Variants in RUNX2 observed in about 807,000 individuals in gnomAD.
RUNX2 encodes the protein RUNX family transcription factor 2.
In RUNX2, 10 loss-of-function variants were observed where a neutral mutation model predicts 51.7. The ratio of observed to expected loss-of-function variants is 0.19; its 90% CI spans 0.12 to 0.33. The LOEUF is 0.33. Ranked by LOEUF, RUNX2 falls within the 10% of genes least tolerant of loss-of-function variation. RUNX2 has a pLI of 1.00. For missense variants in RUNX2, 562 were observed against 691.3 expected, an observed-to-expected ratio of 0.81 and a Z score of 2.10; for synonymous variants, 276 against 273.6, an observed-to-expected ratio of 1.01 and a Z score of -0.09.
intron 3 of RUNX2, among the ~76,000 whole-genome samples, chr6:45,426,114 T>G (rs1798375244): frequency 6.6e-6 from 1 of 152,208 alleles, no homozygotes; most frequent in African/African-American, 2.4e-5. Context: ...TCATCTACTC[T>G]TGTTTCGAGA....
rs557292408 is a variant in RUNX2 at position 45,383,300 on chromosome 6, G to A, written c.59-39293G>A. On this transcript the variant is annotated intron_variant, in intron 2 of 8. Transcript: ENST00000647337. ...AACACACAAAAAATTAGCCAGGTGG[G>A]GTGGCACATGACTGTAATCCCAGCT... Among the ~76,000 whole-genome samples the A allele has an allele frequency of 1.6e-4, 24 of 152,094 alleles. No homozygotes were observed. The South Asian group carries it at 4.2e-3, about 26-fold the overall frequency.
chr6:45,431,456 A>G (rs1798539534), intron 3 of RUNX2, among the ~76,000 whole-genome samples: 2 of 152,186 alleles, frequency 1.3e-5, no homozygotes, highest in Non-Finnish European at 1.5e-5. Context: ...CTGTGATGGG[A>G]TAAGACCACA....
chr6:45,543,182 G>A (rs1411601416), intron 7 of RUNX2, among the ~76,000 whole-genome samples: 2 of 152,112 alleles, frequency 1.3e-5, no homozygotes, highest in African/African-American at 4.8e-5. Context: ...AACCCATCAG[G>A]AAAATGCACG....
intron 2 of RUNX2, among the ~76,000 whole-genome samples, chr6:45,368,836 C>T (rs959725592): frequency 7.9e-5 from 12 of 151,938 alleles, no homozygotes; most frequent in Non-Finnish European, 1.2e-4. Flanking sequence ...ATAATTAGAA[C>T]ATTTTTATTT....
chr6:45,537,449 C>T (rs960659205), intron 7 of RUNX2, among the ~76,000 whole-genome samples: 2 of 152,156 alleles, frequency 1.3e-5, no homozygotes, highest in Non-Finnish European at 2.9e-5. Context: ...GACGAAATCA[C>T]TTTTTTTGAG....
intron 3 of RUNX2, 66 bp downstream of exon 3, chr6:45,423,023 T>C (rs1339902871): frequency 6.4e-7 from 1 of 1,574,398 alleles, no homozygotes; most frequent in Non-Finnish European, 8.6e-7. Context: ...GGTGTCTTCC[T>C]GCCCACGGGG....
chr6:45,468,967 A>G (rs562339961), intron 5 of RUNX2, among the ~76,000 whole-genome samples: 6 of 152,336 alleles, frequency 3.9e-5, no homozygotes, highest in East Asian at 1.9e-4. Context: ...CCTTTTCCCA[A>G]TTGCACATCT....
chr6:45,469,953 C>G (rs1799748267), intron 5 of RUNX2, among the ~76,000 whole-genome samples: 1 of 152,202 alleles, frequency 6.6e-6, no homozygotes, highest in African/African-American at 2.4e-5. Flanking sequence ...AACCCTCAGC[C>G]TCCTAACAAT....
chr6:45,513,268 T>C (rs1286364486), intron 7 of RUNX2, among the ~76,000 whole-genome samples: 2 of 152,138 alleles, frequency 1.3e-5, no homozygotes, highest in Non-Finnish European at 2.9e-5. Context: ...CTGCAAACAT[T>C]GTCCCCACTC....
chr6:45,489,704 G>A (rs577303622), intron 5 of RUNX2, among the ~76,000 whole-genome samples: 1 of 152,264 alleles, frequency 6.6e-6, no homozygotes, highest in East Asian at 1.9e-4. Context: ...GTGCATGTGT[G>A]TGTCTGTGTG....
chr6:45,483,020 A>G lies in RUNX2; in HGVS notation c.686-8921A>G, dbSNP rs576515446. On this transcript the variant is annotated intron_variant, in intron 5 of 8. Transcript: ENST00000647337. ...GAAGCTCTGTTAGCTCATTTTTGAA[A>G]TGCCATCAGAGAAGAATCTTCTGGA... 1.5e-3 allele frequency among the ~76,000 whole-genome samples: 232 copies of G among 152,296 alleles called. 1 individual carries two copies. Among genetic ancestry groups the G allele is most frequent in the Non-Finnish European group, 4.7e-4 (32 of 68,032 alleles).
intron 6 of RUNX2, among the ~76,000 whole-genome samples, chr6:45,495,771 G>A (rs564982167): frequency 5.4e-4 from 83 of 152,298 alleles, no homozygotes; most frequent in Admixed American, 1.6e-3. Context: ...ATCATAAATT[G>A]AGGAAGTCAT....
intron 6 of RUNX2, among the ~76,000 whole-genome samples, chr6:45,494,302 G>C (rs900191978): frequency 9.8e-5 from 15 of 152,294 alleles, no homozygotes; most frequent in African/African-American, 3.6e-4. Context: ...CCTGTTAGGG[G>C]GCTCAGGAAG....
intron 2 of RUNX2, among the ~76,000 whole-genome samples, chr6:45,398,078 T>G (rs1797620187): frequency 6.6e-6 from 1 of 152,212 alleles, no homozygotes; most frequent in African/African-American, 2.4e-5. Flanking sequence ...GGGCTGCCTC[T>G]TTGGCTCTGG....
At chr6:45,399,541 G>T (rs1797658107) in intron 2 of RUNX2, among the ~76,000 whole-genome samples, 1 of 151,498 alleles carries the variant, frequency 6.6e-6, no homozygotes, top group African/African-American at 2.4e-5. Context: ...TGTATTTTTA[G>T]TAGAGACGGG....
intron 3 of RUNX2, among the ~76,000 whole-genome samples, chr6:45,429,258 C>T (rs1401195723): frequency 6.6e-6 from 1 of 152,156 alleles, no homozygotes; most frequent in Non-Finnish European, 1.5e-5. Context: ...CAACTTTTCT[C>T]CTGCCTTTAT....
chr6:45,359,584 C>A (rs1052569406), intron 2 of RUNX2, among the ~76,000 whole-genome samples: 4 of 152,136 alleles, frequency 2.6e-5, no homozygotes, highest in African/African-American at 7.2e-5. Flanking sequence ...AATATGGCCA[C>A]ATTTGTATCC....
intron 2 of RUNX2, among the ~76,000 whole-genome samples, chr6:45,420,103 T>C (rs952072734): frequency 1.3e-5 from 2 of 152,044 alleles, no homozygotes; most frequent in African/African-American, 4.8e-5. Context: ...AACTCCATCC[T>C]TACCCCTCGA....
chr6:45,508,133 G>C (rs1801028774), intron 6 of RUNX2, among the ~76,000 whole-genome samples: 1 of 146,006 alleles, frequency 6.8e-6, no homozygotes, highest in South Asian at 2.2e-4. Flanking sequence ...CATGGCTTTT[G>C]TTTAAAAGGT....
Sources: allele counts gnomAD v4.1 joint callset (sites outside exome capture counted in the v4.1 genomes callset), GRCh38; gene constraint gnomAD v4.1.1; transcripts MANE v1.5; gene names NCBI Gene and HGNC (gene_info 2026-07-23, HGNC 2026-07-21).